PITPNC1: variants seen among roughly 807,000 people sequenced by gnomAD.
PITPNC1 encodes cytoplasmic phosphatidylinositol transfer protein 1.
PITPNC1 carries 18 observed loss-of-function variants against 44.7 expected under a neutral mutation model. The observed-to-expected ratio is 0.40, with a 90% confidence interval of 0.28 to 0.60. PITPNC1 has a LOEUF of 0.60. Ranked by LOEUF, PITPNC1 falls within the 20% of genes least tolerant of loss-of-function variation. The pLI is 0.39. For missense variants in PITPNC1, 290 were observed against 418.4 expected, an observed-to-expected ratio of 0.69 and a Z score of 2.68; for synonymous variants, 141 against 149.6, an observed-to-expected ratio of 0.94 and a Z score of 0.42.
intron 6 of PITPNC1, among the ~76,000 whole-genome samples, chr17:67,665,242 G>A (rs1204501544): frequency 3.9e-5 from 6 of 152,114 alleles, no homozygotes; most frequent in Admixed American, 3.3e-4. Flanking sequence ...ATAAGCATGT[G>A]CCACCACACC....
chr17:67,427,424 G>A (rs2038785337), intron 1 of PITPNC1, among the ~76,000 whole-genome samples: 1 of 151,996 alleles, frequency 6.6e-6, no homozygotes, highest in South Asian at 2.1e-4. Context: ...GTGTTAGCCA[G>A]GATGGTCTTG....
intron 6 of PITPNC1, among the ~76,000 whole-genome samples, chr17:67,663,501 C>T (rs1422414630): frequency 3.4e-5 from 5 of 148,810 alleles, no homozygotes; most frequent in African/African-American, 5.0e-5. Flanking sequence ...ACCTGGGAGG[C>T]GGAGCTTACA....
intron 5 of PITPNC1, among the ~76,000 whole-genome samples, chr17:67,626,293 GATTTTA>G (rs1337170331): frequency 6.6e-6 from 1 of 152,140 alleles, no homozygotes; most frequent in Non-Finnish European, 1.5e-5. Context: ...GTTAGACTAA[GATTTTA>G]ATTTACAAAC....
intron 1 of PITPNC1, among the ~76,000 whole-genome samples, chr17:67,513,801 C>A (rs1193694326): frequency 1.3e-5 from 2 of 152,046 alleles, no homozygotes; most frequent in African/African-American, 4.8e-5. Flanking sequence ...TCTTTTCCTC[C>A]CACTGCTTAG....
At chr17:67,653,333 T>C (rs1283100041) in intron 6 of PITPNC1, among the ~76,000 whole-genome samples, 2 of 151,990 alleles carry the variant, frequency 1.3e-5, no homozygotes, top group Non-Finnish European at 2.9e-5. Context: ...GGGAAGACGA[T>C]ATGAAGATGC....
At chr17:67,473,644 A>T (rs930268501) in intron 1 of PITPNC1, among the ~76,000 whole-genome samples, 1 of 151,902 alleles carries the variant, frequency 6.6e-6, no homozygotes. Flanking sequence ...GGGTCTTGTT[A>T]TGTTTCCCAG....
At chr17:67,678,955 G>A (rs569725142) in intron 8 of PITPNC1, among the ~76,000 whole-genome samples, 17 of 152,308 alleles carry the variant, frequency 1.1e-4, no homozygotes, top group Non-Finnish European at 2.1e-4. Context: ...GACCTGCAAC[G>A]TCAGCATCCC....
intron 1 of PITPNC1, among the ~76,000 whole-genome samples, chr17:67,383,667 C>T (rs1483246582): frequency 6.6e-6 from 1 of 152,182 alleles, no homozygotes; most frequent in Non-Finnish European, 1.5e-5. Context: ...GTAAAATGAG[C>T]GTCTCTCAAG....
At chr17:67,429,346 A>G (rs2038821557) in intron 1 of PITPNC1, among the ~76,000 whole-genome samples, 1 of 152,178 alleles carries the variant, frequency 6.6e-6, no homozygotes, top group South Asian at 2.1e-4. Context: ...TAAAATTTAA[A>G]AGAAATTTTG....
chr17:67,587,744 G>A (rs748644217), intron 5 of PITPNC1, among the ~76,000 whole-genome samples: 21 of 152,262 alleles, frequency 1.4e-4, no homozygotes, highest in Admixed American at 2.6e-4. Context: ...GGAAATAAAC[G>A]ATCTCATTAA....
chr17:67,657,401 C>T (rs1404952809), intron 6 of PITPNC1, among the ~76,000 whole-genome samples: 1 of 152,048 alleles, frequency 6.6e-6, no homozygotes, highest in Non-Finnish European at 1.5e-5. Flanking sequence ...CCATAAAAAG[C>T]CCAATTGTTA....
At chr17:67,580,368 C>A (rs1472877847) in intron 5 of PITPNC1, among the ~76,000 whole-genome samples, 1 of 151,992 alleles carries the variant, frequency 6.6e-6, no homozygotes, top group African/African-American at 2.4e-5. Context: ...CTTTATAAGA[C>A]AGGGTCTCGC....
At chr17:67,527,370 G>A (rs1006121196) in intron 1 of PITPNC1, among the ~76,000 whole-genome samples, 3 of 152,152 alleles carry the variant, frequency 2.0e-5, no homozygotes, top group Non-Finnish European at 4.4e-5. Context: ...CAGCTTCCTC[G>A]TCTGTCAATA....
At chr17:67,488,076 T>C (rs996839802) in intron 1 of PITPNC1, among the ~76,000 whole-genome samples, 5 of 152,210 alleles carry the variant, frequency 3.3e-5, no homozygotes, top group African/African-American at 9.7e-5. Context: ...TGCTGAAGTT[T>C]TTCTTTGCCC....
intron 6 of PITPNC1, among the ~76,000 whole-genome samples, chr17:67,668,912 A>G (rs984832174): frequency 6.6e-6 from 1 of 152,224 alleles, no homozygotes; most frequent in African/African-American, 2.4e-5. Context: ...GAGACACAAT[A>G]TAATTCACCC....
At chr17:67,479,620 C>T (rs1461110334) in intron 1 of PITPNC1, among the ~76,000 whole-genome samples, 4 of 151,884 alleles carry the variant, frequency 2.6e-5, no homozygotes, top group East Asian at 3.9e-4. Flanking sequence ...AAAGGACAAA[C>T]GGGTAGAATG....
intron 1 of PITPNC1, among the ~76,000 whole-genome samples, chr17:67,483,656 T>C (rs995447599): frequency 4.6e-5 from 7 of 152,172 alleles, no homozygotes; most frequent in Admixed American, 4.6e-4. Context: ...CATCTGCCCA[T>C]CTATCCATCA....
chr17:67,464,055 C>T lies in PITPNC1; in HGVS notation c.49-68747C>T, dbSNP rs560608779. Among the ~76,000 whole-genome samples, 10 of 152,066 alleles carry T rather than the reference C, an allele frequency of 6.6e-5. No individual in the cohort carries two copies. In the South Asian group the frequency reaches 8.3e-4, roughly 13 times the overall value. ...CTAAAAATACAAAATTGGCCAGGTA[C>T]AGTGGCTCGTGCCTGTAATCCCAGC... On this transcript the variant is annotated intron_variant, in intron 1 of 8. Transcript: ENST00000581322.
intron 1 of PITPNC1, among the ~76,000 whole-genome samples, chr17:67,496,805 GT>G (rs1309175341): frequency 6.6e-6 from 1 of 152,052 alleles, no homozygotes; most frequent in Non-Finnish European, 1.5e-5. Context: ...GGAAAAGTAG[GT>G]TTTAAAAATT....
Sources: gnomAD v4.1 joint callset for allele counts (sites outside exome capture counted in the v4.1 genomes callset) on GRCh38, gnomAD v4.1.1 for gene constraint, MANE v1.5 for transcripts, NCBI Gene and HGNC (gene_info 2026-07-23, HGNC 2026-07-21) for gene names.